The following SLC25A16 variants were observed in gnomAD, a reference collection of about 807,000 sequenced individuals.
The protein encoded by SLC25A16 is mitochondrial coenzyme A transporter SLC25A16.
In SLC25A16, 39 loss-of-function variants were observed where a neutral mutation model predicts 41.5. The ratio of observed to expected loss-of-function variants is 0.94; its 90% confidence interval spans 0.73 to 1.23. The LOEUF is 1.23. Among genes scored for constraint, SLC25A16 ranks in the 50% most tolerant of loss-of-function variants. The probability of loss-of-function intolerance (pLI) is 0.00; values close to 1 mark genes in which losing one functional copy is unlikely to be tolerated. For synonymous variants in SLC25A16, 146 were observed against 147.8 expected, an observed-to-expected ratio of 0.99 and a Z score of 0.09; for missense variants, 421 against 426.9, an observed-to-expected ratio of 0.99 and a Z score of 0.12.
At chr10:68,499,324 G>T (rs116739514) in intron 4 of SLC25A16, among the ~76,000 whole-genome samples, 4 of 152,282 alleles carry the variant, frequency 2.6e-5, no homozygotes, top group Non-Finnish European at 5.9e-5. Flanking sequence ...CACAACAAGC[G>T]GAACTCAGCT....
chr10:68,496,200 C>A (rs2052748047), intron 4 of SLC25A16, among the ~76,000 whole-genome samples: 1 of 152,174 alleles, frequency 6.6e-6, no homozygotes, highest in Non-Finnish European at 1.5e-5. Flanking sequence ...CAGAGAATTA[C>A]TGAAGAGGAA....
Position 68,493,218 on chromosome 10 carries a change from T to C in SLC25A16, c.544-20A>G. On this transcript the variant is annotated intron_variant, in intron 5 of 8. Transcript: ENST00000609923. The stretch of plus-strand genomic sequence containing the variant: ...ACCTTCCTTTTGAGTGAAGGAAAAT[T>C]GCAAGTGAGATTACATTGTGCTCAT... 1 of 1,516,166 alleles carries C rather than the reference T, an allele frequency of 6.6e-7. No homozygotes were observed. The highest frequency in any genetic ancestry group is 9.0e-7 in the Non-Finnish European group (1 of 1,107,662). The allele number at this position is 1,516,166 out of a possible 1,614,324, so 93.9% of individuals were successfully genotyped here.
At chr10:68,520,391 T>C (rs1228141697) in intron 1 of SLC25A16, among the ~76,000 whole-genome samples, 2 of 152,242 alleles carry the variant, frequency 1.3e-5, no homozygotes, top group East Asian at 1.9e-4. Flanking sequence ...AAATAAACAA[T>C]TGACCCGGGC....
chr10:68,518,279 A>T (rs1209042708), intron 1 of SLC25A16: 4 of 151,946 alleles, frequency 2.6e-5, no homozygotes, highest in Admixed American at 2.0e-4. Flanking sequence ...TTAGCCGGGC[A>T]TGGTGGCGGC....
At chr10:68,507,139 C>CTGGG (rs1008302031) in intron 2 of SLC25A16, among the ~76,000 whole-genome samples, 3 of 140,222 alleles carry the variant, frequency 2.1e-5, no homozygotes, top group Non-Finnish European at 4.5e-5. Flanking sequence ...GTGGCGCGAT[C>CTGGG]TGGGCTCACT....
intron 4 of SLC25A16, chr10:68,500,044 G>A (rs986905907): frequency 3.5e-6 from 1 of 287,270 alleles, no homozygotes; most frequent in Non-Finnish European, 6.8e-6. Flanking sequence ...TCAATCTTTA[G>A]GTTTCCTTTT....
At chr10:68,521,898 T>A (rs1251384909) in intron 1 of SLC25A16, among the ~76,000 whole-genome samples, 1 of 151,272 alleles carries the variant, frequency 6.6e-6, no homozygotes, top group Non-Finnish European at 1.5e-5. Flanking sequence ...CGCCCGGCCA[T>A]GCCTGTAATC....
intron 2 of SLC25A16, among the ~76,000 whole-genome samples, chr10:68,508,832 G>C (rs534757265): frequency 2.6e-5 from 4 of 152,258 alleles, no homozygotes; most frequent in South Asian, 4.1e-4. Context: ...ATCAAATTTA[G>C]AGTAATGATT....
chr10:68,498,245 CCAAA>C (rs2052783014), intron 4 of SLC25A16, among the ~76,000 whole-genome samples: 1 of 152,116 alleles, frequency 6.6e-6, no homozygotes, highest in Non-Finnish European at 1.5e-5. Context: ...AGCAATTTTT[CCAAA>C]CACGTAGGAA....
chr10:68,515,749 G>C (rs1258907596), intron 2 of SLC25A16, among the ~76,000 whole-genome samples: 5 of 152,152 alleles, frequency 3.3e-5, no homozygotes, highest in African/African-American at 1.2e-4. Flanking sequence ...AGTGAGCCGA[G>C]GTCGCGCCAT....
In SLC25A16 at chr10:68,483,440, G is replaced by A. The variant is rs746410508; in HGVS notation, c.991C>T (p.Leu331Phe). Residue 331 changes from leucine (L) to phenylalanine (F), a missense_variant, in exon 9 of 9, where the codon CTC becomes TTC. Transcript: ENST00000609923. The stretch of plus-strand genomic sequence containing the variant: ...CCAACCATAATTTTTTTTTAGTTGA[G>A]GTGAAAAAACTGCTTCATAAGTTCG... Reference protein sequence around the residue: ...TYELMKQFFHLN With the variant: ...TYELMKQFFHFN 9 of 1,577,246 alleles carry A rather than the reference G, an allele frequency of 5.7e-6. No homozygotes were observed. The highest frequency in any genetic ancestry group is 7.7e-6 in the Non-Finnish European group (9 of 1,164,796).
At chr10:68,520,780 C>A (rs2053237490) in intron 1 of SLC25A16, among the ~76,000 whole-genome samples, 1 of 147,070 alleles carries the variant, frequency 6.8e-6, no homozygotes, top group Non-Finnish European at 1.5e-5. Context: ...CCATTACACT[C>A]CAGCCTGGGC....
chr10:68,512,800 G>A (rs1413753937), intron 2 of SLC25A16, among the ~76,000 whole-genome samples: 1 of 152,178 alleles, frequency 6.6e-6, no homozygotes, highest in East Asian at 1.9e-4. Flanking sequence ...CACTTTGGGA[G>A]GCTGAGGCGG....
chr10:68,523,421 A>T (rs185801343), intron 1 of SLC25A16, among the ~76,000 whole-genome samples: 2 of 152,156 alleles, frequency 1.3e-5, no homozygotes, highest in African/African-American at 4.8e-5. Context: ...GATTTATACC[A>T]AGCAAGTCGG....
intron 8 of SLC25A16, among the ~76,000 whole-genome samples, chr10:68,486,277 T>G (rs1003366957): frequency 4.7e-5 from 7 of 150,176 alleles, no homozygotes; most frequent in African/African-American, 1.7e-4. Context: ...TTTTTTTTTA[T>G]AGAGACAAGG....
At chr10:68,524,119 G>A (rs1002987132) in intron 1 of SLC25A16, among the ~76,000 whole-genome samples, 1 of 151,792 alleles carries the variant, frequency 6.6e-6, no homozygotes, top group Admixed American at 6.6e-5. Context: ...GACCATCCTG[G>A]CTAATATGGT....
intron 2 of SLC25A16, among the ~76,000 whole-genome samples, chr10:68,514,459 G>A (rs1303342573): frequency 6.6e-6 from 1 of 151,964 alleles, no homozygotes; most frequent in African/African-American, 2.4e-5. Context: ...TCACACCGCT[G>A]CACTCCAGCC....
rs1201299311 is a variant in SLC25A16, at chr10:68,503,699, GA to G, written c.358-5del. 1 of 1,577,390 alleles carries G rather than the reference GA, an allele frequency of 6.3e-7. No homozygotes were observed. Among genetic ancestry groups the G allele is most frequent in the Admixed American group, 1.7e-5 (1 of 59,078 alleles). ...TTCCCAGCTTCGTAGTAATTAACTA[GA>G]AAACAAGAACACTGAATTAAATGAG... On this transcript the variant is annotated splice_polypyrimidine_tract_variant and splice_region_variant and intron_variant, in intron 3 of 8. Coordinates refer to ENST00000609923, the MANE Select transcript of SLC25A16 (RefSeq NM_152707.4).
intron 1 of SLC25A16, 32 bp from the exon 2 acceptor site, chr10:68,516,875 T>G: frequency 6.8e-7 from 1 of 1,470,644 alleles, no homozygotes; most frequent in South Asian, 1.2e-5. Context: ...AGGAAGAAAT[T>G]GCGTACCATT....
Sources: allele counts gnomAD v4.1 joint callset (sites outside exome capture counted in the v4.1 genomes callset), GRCh38; gene constraint gnomAD v4.1.1; transcripts MANE v1.5; gene names NCBI Gene and HGNC (gene_info 2026-07-23, HGNC 2026-07-21).